Variants in ANKRD30B observed in about 807,000 individuals in gnomAD.
ANKRD30B encodes the protein ankyrin repeat domain 30B.
A neutral mutation model predicts 202.2 loss-of-function variants in ANKRD30B; 144 were observed. The observed-to-expected ratio is 0.71, with a 90% confidence interval of 0.62 to 0.82. The LOEUF is 0.82. ANKRD30B is among the 40% of genes least tolerant of loss of function. The pLI is 0.00. For missense variants in ANKRD30B, 1,487 were observed against 1,669.1 expected (o/e 0.89, Z 1.90); for synonymous variants, 508 against 561.3 (o/e 0.91, Z 1.34).
chr18:14,788,983 A>G (rs1244068331), intron 15 of ANKRD30B, among the ~76,000 whole-genome samples: 1 of 152,018 alleles, frequency 6.6e-6, no homozygotes, highest in African/African-American at 2.4e-5. Flanking sequence ...GACTTCCACA[A>G]TGGTTGAACT....
the ANKRD30B span, chr18:14,883,399 C>CTATATA: frequency 1.6e-4 from 6 of 37,184 alleles, no homozygotes; most frequent in African/African-American, 5.6e-4. Flanking sequence ...CTCTCTCTCT[C>CTATATA]TATATATATA....
intron 7 of ANKRD30B, among the ~76,000 whole-genome samples, chr18:14,764,690 G>C (rs1251046046): frequency 6.6e-6 from 1 of 152,070 alleles, no homozygotes; most frequent in Non-Finnish European, 1.5e-5. Context: ...GCCCAGTCAG[G>C]ATCCCACTTT....
chr18:14,850,174 C>G lies in ANKRD30B; in HGVS notation c.3396-40C>G, dbSNP rs1598721930. On this transcript the variant is annotated intron_variant, in intron 40 of 43. Transcript: ENST00000690538. ...TAGATCTCAAAGTGAATTCTATTTT[C>G]TAACAAAATGAATTTTAAGATAAGT... The G allele has an allele frequency of 5.5e-6, 7 of 1,265,402 alleles. No individual in the cohort carries two copies. The African/African-American group carries it at 7.7e-5, about 14-fold the overall frequency. 78.4% of individuals were successfully genotyped at this position (1,265,402 alleles called of 1,614,324 possible). A position where few individuals can be genotyped will look rare whatever the true frequency, so the allele number is the denominator to read the frequency against.
the ANKRD30B span, among the ~76,000 whole-genome samples, chr18:14,936,166 G>C: frequency 6.6e-6 from 1 of 152,156 alleles, no homozygotes; most frequent in African/African-American, 2.4e-5. Flanking sequence ...TGGGCCCAAG[G>C]CATGTCTCAC....
the ANKRD30B span, among the ~76,000 whole-genome samples, chr18:14,908,502 G>A: frequency 5.1e-3 from 783 of 152,226 alleles, 4 homozygotes; most frequent in Middle Eastern, 0.024. Flanking sequence ...CTCAGCATCC[G>A]AGGAGATGTG....
chr18:14,821,060 A>G (rs1257321283), intron 30 of ANKRD30B, among the ~76,000 whole-genome samples: 1 of 152,190 alleles, frequency 6.6e-6, no homozygotes, highest in African/African-American at 2.4e-5. Context: ...TGTTCTATTC[A>G]GAGATTCAAC....
intron 36 of ANKRD30B, among the ~76,000 whole-genome samples, chr18:14,838,844 G>T (rs1476151242): frequency 4.6e-5 from 7 of 152,190 alleles, no homozygotes; most frequent in African/African-American, 7.2e-5. Context: ...AAATAATGTT[G>T]TAACAAATGT....
intron 34 of ANKRD30B, among the ~76,000 whole-genome samples, chr18:14,831,975 G>A (rs71364899): frequency 3.9e-5 from 6 of 151,982 alleles, no homozygotes; most frequent in African/African-American, 9.7e-5. Context: ...TTTTTTTGGC[G>A]CATATTATTT....
At chr18:14,864,681 CCTT>C in the ANKRD30B span, among the ~76,000 whole-genome samples, 1 of 105,550 alleles carries the variant, frequency 9.5e-6, no homozygotes, top group Non-Finnish European at 2.0e-5. Context: ...CTCTTTTGCT[CCTT>C]CAACTCCCAA....
In ANKRD30B at chr18:14,806,367, T is replaced by C. The variant is rs1315273621; in HGVS notation, c.2285-2184T>C. On this transcript the variant is annotated intron_variant, in intron 24 of 43. Coordinates refer to ENST00000690538, the MANE Select transcript of ANKRD30B (RefSeq NM_001367607.2). ...AGTGTATGTCCTACTTCACGCTATA[T>C]TAGAAATTAAAAGTGAAGTAATTAA... 1.3e-5 allele frequency among the ~76,000 whole-genome samples: 2 copies of C among 151,050 alleles called. 1 individual carries two copies. The highest frequency in any genetic ancestry group is 2.9e-5 in the Non-Finnish European group (2 of 67,804).
At chr18:14,826,835 T>C (rs1970692205) in intron 32 of ANKRD30B, among the ~76,000 whole-genome samples, 1 of 152,138 alleles carries the variant, frequency 6.6e-6, no homozygotes. Context: ...TTTTTTCTTC[T>C]ATAAGTGCAT....
At chr18:14,847,092 A>ATATG (rs1248540502) in intron 39 of ANKRD30B, among the ~76,000 whole-genome samples, 14 of 98,652 alleles carry the variant, frequency 1.4e-4, no homozygotes, top group Non-Finnish European at 2.8e-4. Context: ...ATATATATAT[A>ATATG]TGTATAATGT....
chr18:14,918,130 G>A, the ANKRD30B span, among the ~76,000 whole-genome samples: 1 of 152,164 alleles, frequency 6.6e-6, no homozygotes, highest in African/African-American at 2.4e-5. Context: ...AGATGAGACA[G>A]CAATCACTTG....
chr18:14,932,829 C>T, the ANKRD30B span, among the ~76,000 whole-genome samples: 1 of 152,178 alleles, frequency 6.6e-6, no homozygotes, highest in South Asian at 2.1e-4. Flanking sequence ...CAAGCTCCTC[C>T]CTGGGCTGCT....
At chr18:14,843,286 T>C (rs1253672170) in intron 39 of ANKRD30B, among the ~76,000 whole-genome samples, 190 bp downstream of exon 39, 1 of 152,204 alleles carries the variant, frequency 6.6e-6, no homozygotes, top group Non-Finnish European at 1.5e-5. Flanking sequence ...TTTTAAAAAG[T>C]AGCTTTAATT....
At chr18:14,756,322 A>T (rs1247630961) in intron 4 of ANKRD30B, among the ~76,000 whole-genome samples, 3 of 152,132 alleles carry the variant, frequency 2.0e-5, no homozygotes, top group African/African-American at 7.2e-5. Context: ...TTAGATGAGT[A>T]GGTTGCAAAA....
At chr18:14,831,181 GA>G (rs71305894) in intron 33 of ANKRD30B, among the ~76,000 whole-genome samples, 56 of 52,352 alleles carry the variant, frequency 1.1e-3, no homozygotes, top group Middle Eastern at 0.023. Flanking sequence ...CTCCGTCTCG[GA>G]AAAAAAAAAA....
At chr18:14,905,161 C>T in the ANKRD30B span, among the ~76,000 whole-genome samples, 1 of 152,212 alleles carries the variant, frequency 6.6e-6, no homozygotes, top group Non-Finnish European at 1.5e-5. Flanking sequence ...GAATAATCCA[C>T]CCCTTGTTTA....
chr18:14,866,426 A>G, the ANKRD30B span, among the ~76,000 whole-genome samples: 2 of 152,070 alleles, frequency 1.3e-5, no homozygotes, highest in Non-Finnish European at 2.9e-5. Context: ...AGGCTGGAGC[A>G]GTAAGATGGC....
Sources: gnomAD v4.1 joint callset for allele counts (sites outside exome capture counted in the v4.1 genomes callset) on GRCh38, gnomAD v4.1.1 for gene constraint, MANE v1.5 for transcripts, NCBI Gene and HGNC (gene_info 2026-07-23, HGNC 2026-07-21) for gene names.